The following CFDP1 variants were observed in gnomAD, a reference collection of about 807,000 sequenced individuals.
The protein encoded by CFDP1 is chromatin remodeling protein CFDP1.
Under a neutral mutation model 40.1 loss-of-function variants are expected in CFDP1, and 31 were observed. That is an observed-to-expected ratio of 0.77 (90% confidence interval 0.58 to 1.04). The LOEUF (loss-of-function observed/expected upper bound fraction) is 1.04, where lower values mean the gene tolerates loss of function less well. CFDP1 is among the 50% of genes least tolerant of loss of function. The pLI is 0.00. For synonymous variants in CFDP1, 167 were observed against 120.0 expected, an observed-to-expected ratio of 1.39 and a Z score of -2.56; for missense variants, 423 against 343.4, an observed-to-expected ratio of 1.23 and a Z score of -1.83.
intron 5 of CFDP1, among the ~76,000 whole-genome samples, chr16:75,342,150 TG>T (rs1001959065): frequency 3.1e-4 from 47 of 152,370 alleles, no homozygotes; most frequent in African/African-American, 1.1e-3. Flanking sequence ...GATTGATTTG[TG>T]GCTTCTGCTA....
intron 5 of CFDP1, among the ~76,000 whole-genome samples, chr16:75,351,775 A>C (rs895704735): frequency 1.3e-5 from 2 of 152,128 alleles, no homozygotes; most frequent in Admixed American, 1.3e-4. Flanking sequence ...TGGGAGGCTG[A>C]GGGAGGTGGA....
intron 2 of CFDP1, among the ~76,000 whole-genome samples, chr16:75,413,548 G>C (rs554720444): frequency 0.049 from 2,092 of 42,348 alleles, 56 homozygotes; most frequent in African/African-American, 0.16. Context: ...GCGAGACTCT[G>C]TCTCAAAAAA....
intron 5 of CFDP1, among the ~76,000 whole-genome samples, chr16:75,320,228 A>G (rs1766512539): frequency 6.6e-6 from 1 of 152,172 alleles, no homozygotes; most frequent in Non-Finnish European, 1.5e-5. Context: ...GAACCCTTAA[A>G]CAAGTCCAGT....
rs566791555 is a variant in CFDP1 at position 75,398,440 on chromosome 16, C to T, written c.531-3231G>A. 9.2e-5 allele frequency among the ~76,000 whole-genome samples: 14 copies of T among 152,268 alleles called. No homozygotes were observed. In the East Asian group the frequency reaches 2.3e-3, roughly 25 times the overall value. The stretch of plus-strand genomic sequence containing the variant: ...CATCACCCCTTGAAAGTGAATGGGC[C>T]TTCATGGCTGTCTCAACTCAAAGAG... On this transcript the variant is annotated intron_variant, in intron 4 of 6. Transcript: ENST00000283882.
rs752786709 is a variant in CFDP1 at position 75,414,645 on chromosome 16, C to G, written c.115G>C (p.Val39Leu). 9 of 1,613,674 alleles carry G rather than the reference C, an allele frequency of 5.6e-6. No individual in the cohort carries two copies. The highest frequency in any genetic ancestry group is 6.8e-6 in the Non-Finnish European group (8 of 1,179,786). ...DVNELVKEDE[V>L]DGEEQTQKTQ... ...TTCTGTGTCTGCTCTTCACCATCCA[C>G]TTCATCTTCCTTCACTAATTCATTT... The change falls in exon 2 of 7, where the codon GTG (valine) becomes CTG (leucine). Residue 39 changes from valine to leucine, a missense_variant. Val to Leu is a conservative substitution (Grantham distance 32). Coordinates refer to ENST00000283882, the MANE Select transcript of CFDP1 (RefSeq NM_006324.3).
chr16:75,294,249 A>T (rs527496815), intron 6 of CFDP1, among the ~76,000 whole-genome samples: 2 of 152,342 alleles, frequency 1.3e-5, no homozygotes, highest in African/African-American at 2.4e-5. Flanking sequence ...TATCAATGAG[A>T]AAGTATATTA....
At chr16:75,317,150 A>G (rs776825823) in intron 5 of CFDP1, among the ~76,000 whole-genome samples, 4 of 152,182 alleles carry the variant, frequency 2.6e-5, no homozygotes, top group Non-Finnish European at 5.9e-5. Flanking sequence ...CGCCTAGATG[A>G]GTGGAGACTT....
At chr16:75,430,413 C>T (rs775482735) in intron 1 of CFDP1, among the ~76,000 whole-genome samples, 7 of 151,954 alleles carry the variant, frequency 4.6e-5, no homozygotes, top group African/African-American at 7.3e-5. Context: ...TCAGGCAATC[C>T]GCCCACCACA....
intron 6 of CFDP1, among the ~76,000 whole-genome samples, chr16:75,304,383 AT>A (rs2078243794): frequency 6.6e-6 from 1 of 152,156 alleles, no homozygotes; most frequent in African/African-American, 2.4e-5. Context: ...TTCTTTCTTG[AT>A]TTTTTGTTTA....
chr16:75,327,019 C>T (rs1417891065), intron 5 of CFDP1, among the ~76,000 whole-genome samples: 1 of 152,162 alleles, frequency 6.6e-6, no homozygotes, highest in Non-Finnish European at 1.5e-5. Flanking sequence ...GCCTGTAATC[C>T]CAGCACTTTG....
intron 5 of CFDP1, among the ~76,000 whole-genome samples, chr16:75,327,852 T>G (rs906529139): frequency 3.9e-5 from 6 of 152,056 alleles, no homozygotes; most frequent in African/African-American, 1.4e-4. Context: ...GCCTCCCGAA[T>G]AGCTGGGATT....
intron 1 of CFDP1, among the ~76,000 whole-genome samples, chr16:75,421,466 G>C (rs754622849): frequency 1.3e-5 from 2 of 152,160 alleles, no homozygotes; most frequent in African/African-American, 4.8e-5. Flanking sequence ...GGGAAAAAAA[G>C]ATAGTAAGAA....
At chr16:75,310,664 T>C (rs1199369643) in intron 5 of CFDP1, among the ~76,000 whole-genome samples, 1 of 152,164 alleles carries the variant, frequency 6.6e-6, no homozygotes, top group Admixed American at 6.5e-5. Context: ...GTCCAACCGA[T>C]TTATTTTGTA....
At chr16:75,400,050 G>A (rs1010314736) in intron 4 of CFDP1, among the ~76,000 whole-genome samples, 25 of 140,876 alleles carry the variant, frequency 1.8e-4, no homozygotes, top group African/African-American at 4.9e-4. Flanking sequence ...GCGGTGAGCC[G>A]AGATCGTGCC....
intron 5 of CFDP1, among the ~76,000 whole-genome samples, chr16:75,363,420 G>A (rs2078692850): frequency 6.6e-6 from 1 of 150,750 alleles, no homozygotes; most frequent in African/African-American, 2.4e-5. Context: ...CCATGAGATG[G>A]TGTCTCGCTC....
chr16:75,297,165 T>TGTGTG, intron 6 of CFDP1, among the ~76,000 whole-genome samples: 1 of 130,788 alleles, frequency 7.6e-6, no homozygotes, highest in Non-Finnish European at 1.7e-5. Context: ...TGTGTGTGTG[T>TGTGTG]CTGTGTGTGT....
At chr16:75,423,504 T>A (rs115056057) in intron 1 of CFDP1, among the ~76,000 whole-genome samples, 4,759 of 151,960 alleles carry the variant, frequency 0.031, 222 homozygotes, top group African/African-American at 0.11. Context: ...TTTCACCACG[T>A]TGGCGAGGTT....
chr16:75,294,746 A>G (rs1004299995), intron 6 of CFDP1, among the ~76,000 whole-genome samples: 6 of 152,154 alleles, frequency 3.9e-5, no homozygotes, highest in Non-Finnish European at 5.9e-5. Flanking sequence ...AAATGCCTCT[A>G]AGAGAATGAG....
intron 1 of CFDP1, among the ~76,000 whole-genome samples, chr16:75,430,615 C>T (rs1799091043): frequency 6.6e-6 from 1 of 152,012 alleles, no homozygotes; most frequent in Non-Finnish European, 1.5e-5. Flanking sequence ...AGGCGCCCGT[C>T]ACCACACTTG....
Sources: allele counts gnomAD v4.1 joint callset (sites outside exome capture counted in the v4.1 genomes callset), GRCh38; gene constraint gnomAD v4.1.1; transcripts MANE v1.5; gene names NCBI Gene and HGNC (gene_info 2026-07-23, HGNC 2026-07-21).